The following CC2D2A variants were observed in gnomAD, a reference collection of about 807,000 sequenced individuals.
CC2D2A encodes coiled-coil and C2 domain containing 2A.
CC2D2A carries 155 observed loss-of-function variants against 212.9 expected under a neutral mutation model. The ratio of observed to expected loss-of-function variants is 0.73; its 90% CI spans 0.64 to 0.83. The LOEUF (loss-of-function observed/expected upper bound fraction) is 0.83, where lower values mean the gene tolerates loss of function less well. Ranked by LOEUF, CC2D2A falls within the 40% of genes least tolerant of loss-of-function variation. The pLI, the probability that CC2D2A is intolerant of heterozygous loss-of-function variation, is 0.00. For synonymous variants in CC2D2A, 667 were observed against 686.5 expected, an observed-to-expected ratio of 0.97 and a Z score of 0.44; for missense variants, 1,856 against 1,956.2, an observed-to-expected ratio of 0.95 and a Z score of 0.97.
chr4:15,585,800 C>G (rs537415495), intron 30 of CC2D2A, among the ~76,000 whole-genome samples: 2 of 152,192 alleles, frequency 1.3e-5, no homozygotes, highest in African/African-American at 4.8e-5. Flanking sequence ...CTATTACCCT[C>G]TCAACCAGGG....
intron 28 of CC2D2A, 61 bp from the exon 29 acceptor site, chr4:15,574,089 G>T: frequency 7.3e-7 from 1 of 1,373,916 alleles, no homozygotes; most frequent in Non-Finnish European, 9.8e-7. Flanking sequence ...GTTGACACTT[G>T]CCTCTCAACT....
At chr4:15,474,164 C>A (rs1429998312) in intron 1 of CC2D2A, among the ~76,000 whole-genome samples, 1 of 152,198 alleles carries the variant, frequency 6.6e-6, no homozygotes, top group African/African-American at 2.4e-5. Flanking sequence ...TAGGGAGAAA[C>A]CAGCAAAGGA....
chr4:15,599,734 C>A, intron 36 of CC2D2A, 28 bp downstream of exon 36: 1 of 1,534,312 alleles, frequency 6.5e-7, no homozygotes, highest in Non-Finnish European at 8.9e-7. Context: ...CCTAAACTGA[C>A]TGTGGATTTC....
In CC2D2A at chr4:15,569,291, A is replaced by G; in HGVS notation, c.3399-2A>G. The stretch of plus-strand genomic sequence containing the variant: ...AGTCCCTGGTCATGTGCTGTCTTGC[A>G]GGGCTCCTAATGGAGATTATAGCAC... On this transcript the variant is annotated splice_acceptor_variant, in intron 26 of 36. Transcript: ENST00000424120. LOFTEE classifies it high-confidence loss of function. The G allele has an allele frequency of 6.4e-7, 1 of 1,558,900 alleles. No individual in the cohort carries two copies. Among genetic ancestry groups the G allele is most frequent in the South Asian group, 1.2e-5 (1 of 85,096 alleles).
chr4:15,495,857 A>G (rs1252023630), intron 4 of CC2D2A, among the ~76,000 whole-genome samples: 3 of 152,212 alleles, frequency 2.0e-5, no homozygotes, highest in Non-Finnish European at 4.4e-5. Context: ...CTCACAGTGT[A>G]TAACAGTTCC....
intron 6 of CC2D2A, among the ~76,000 whole-genome samples, chr4:15,504,952 C>T (rs1189518258): frequency 1.3e-5 from 2 of 152,170 alleles, no homozygotes; most frequent in African/African-American, 2.4e-5. Flanking sequence ...TAAAGGCTGC[C>T]GACCTCACTC....
intron 6 of CC2D2A, among the ~76,000 whole-genome samples, chr4:15,507,522 A>C (rs1267035181): frequency 6.6e-6 from 1 of 152,198 alleles, no homozygotes; most frequent in African/African-American, 2.4e-5. Context: ...CACATATGCA[A>C]GACTGGAAGC....
chr4:15,541,092 A>G, intron 17 of CC2D2A, 78 bp downstream of exon 17: 1 of 1,200,058 alleles, frequency 8.3e-7, no homozygotes, highest in Admixed American at 2.8e-5. Flanking sequence ...TGGGCAGATC[A>G]CTTAAGGCCA....
chr4:15,573,321 G>C (rs970773915), intron 28 of CC2D2A, among the ~76,000 whole-genome samples: 3 of 152,136 alleles, frequency 2.0e-5, no homozygotes, highest in African/African-American at 7.2e-5. Flanking sequence ...GACAGAGTCT[G>C]GTTCTGTCAT....
intron 33 of CC2D2A, among the ~76,000 whole-genome samples, chr4:15,592,925 C>A (rs1721174665): frequency 6.6e-6 from 1 of 152,160 alleles, no homozygotes; most frequent in Non-Finnish European, 1.5e-5. Context: ...CTGATTCAAA[C>A]CCTCGAATTA....
At chr4:15,573,773 A>T (rs1157700573) in intron 28 of CC2D2A, among the ~76,000 whole-genome samples, 4 of 152,208 alleles carry the variant, frequency 2.6e-5, no homozygotes, top group African/African-American at 9.6e-5. Context: ...TTAGTGTTTT[A>T]TATCTATTCA....
chr4:15,485,107 A>C (rs1416796265), intron 4 of CC2D2A, among the ~76,000 whole-genome samples: 1 of 152,226 alleles, frequency 6.6e-6, no homozygotes, highest in African/African-American at 2.4e-5. Flanking sequence ...TATATTGAAA[A>C]ACTGCCATGG....
At chr4:15,589,323 G>A (rs1177791190) in intron 32 of CC2D2A, among the ~76,000 whole-genome samples, 1 of 151,816 alleles carries the variant, frequency 6.6e-6, no homozygotes, top group Admixed American at 6.6e-5. Flanking sequence ...TCCTTTTTTG[G>A]TCATTGTACT....
chr4:15,558,079 G>T (rs773202598), intron 21 of CC2D2A, among the ~76,000 whole-genome samples: 71 of 152,188 alleles, frequency 4.7e-4, no homozygotes, highest in Non-Finnish European at 8.5e-4. Flanking sequence ...GTGGGGTGGA[G>T]GAGCCTTTGA....
intron 36 of CC2D2A, 130 bp downstream of exon 36, chr4:15,599,836 C>A: frequency 3.5e-6 from 2 of 567,320 alleles, no homozygotes; most frequent in Non-Finnish European, 5.7e-6. Flanking sequence ...GCAGCATAAA[C>A]TAAAAACTGT....
intron 27 of CC2D2A, among the ~76,000 whole-genome samples, chr4:15,569,922 G>T (rs1304152042): frequency 1.3e-5 from 2 of 152,160 alleles, no homozygotes; most frequent in Non-Finnish European, 2.9e-5. Context: ...TGGGAATGCA[G>T]CCCAGCAAGT....
chr4:15,495,527 T>C (rs986676123), intron 4 of CC2D2A, among the ~76,000 whole-genome samples: 18 of 152,228 alleles, frequency 1.2e-4, no homozygotes, highest in African/African-American at 4.1e-4. Context: ...GATAATAGCC[T>C]CCAGCTCCAT....
intron 23 of CC2D2A, among the ~76,000 whole-genome samples, chr4:15,560,984 T>G (rs183190721): frequency 6.6e-6 from 1 of 152,184 alleles, no homozygotes; most frequent in Non-Finnish European, 1.5e-5. Context: ...AGACATTCCC[T>G]TACTCTCCTG....
At chr4:15,502,370 C>T (rs1716001579) in intron 4 of CC2D2A, 59 bp from the exon 5 acceptor site, 15 of 1,146,234 alleles carry the variant, frequency 1.3e-5, no homozygotes, top group Admixed American at 3.4e-5. Flanking sequence ...AGTAATTTTC[C>T]TTTTTCTTTT....
Sources: gnomAD v4.1 joint callset for allele counts (sites outside exome capture counted in the v4.1 genomes callset) on GRCh38, gnomAD v4.1.1 for gene constraint, MANE v1.5 for transcripts, NCBI Gene and HGNC (gene_info 2026-07-23, HGNC 2026-07-21) for gene names.